ELMO1: variants seen among roughly 807,000 people sequenced by gnomAD.
ELMO1 encodes the protein engulfment and cell motility 1.
In ELMO1, 26 loss-of-function variants were observed where a neutral mutation model predicts 98.9. That is an observed-to-expected ratio of 0.26 (90% CI 0.19 to 0.36). ELMO1 has a LOEUF of 0.36. ELMO1 is among the 10% of genes least tolerant of loss of function. The probability of loss-of-function intolerance (pLI) is 1.00; values close to 1 mark genes in which losing one functional copy is unlikely to be tolerated. For missense variants in ELMO1, 627 were observed against 935.2 expected (o/e 0.67, Z 4.30); for synonymous variants, 346 against 346.0 (o/e 1.00, Z 0.00).
intron 1 of ELMO1, among the ~76,000 whole-genome samples, chr7:37,386,283 G>A (rs1359642088): frequency 6.6e-6 from 1 of 152,068 alleles, no homozygotes. Context: ...GCTGGAGGGA[G>A]GAATCAAGGA....
At chr7:37,183,912 A>C (rs1377382139) in intron 13 of ELMO1, among the ~76,000 whole-genome samples, 3 of 152,190 alleles carry the variant, frequency 2.0e-5, no homozygotes, top group African/African-American at 7.2e-5. Flanking sequence ...ACAACTTCAG[A>C]AATTTTATTT....
chr7:37,369,917 C>T (rs1802048739), intron 1 of ELMO1, among the ~76,000 whole-genome samples: 1 of 152,154 alleles, frequency 6.6e-6, no homozygotes, highest in Non-Finnish European at 1.5e-5. Flanking sequence ...TCCTTCTGAT[C>T]CTCCTTACTA....
chr7:37,239,156 G>A (rs1024077793), intron 7 of ELMO1, among the ~76,000 whole-genome samples: 2 of 151,302 alleles, frequency 1.3e-5, no homozygotes, highest in South Asian at 2.1e-4. Flanking sequence ...GAAGGTTTTC[G>A]AGAAATGATT....
chr7:37,250,318 A>G (rs1795273812), intron 6 of ELMO1, among the ~76,000 whole-genome samples: 1 of 152,220 alleles, frequency 6.6e-6, no homozygotes, highest in Non-Finnish European at 1.5e-5. Flanking sequence ...AGCAGGTTAT[A>G]AAAACATGAG....
intron 1 of ELMO1, among the ~76,000 whole-genome samples, chr7:37,413,138 TGTTTTTTTTA>T (rs1804063420): frequency 1.4e-5 from 2 of 145,288 alleles, no homozygotes; most frequent in Non-Finnish European, 3.1e-5. Context: ...ATTTTTTTTT[TGTTTTTTTTA>T]ATTTTAACTG....
intron 1 of ELMO1, among the ~76,000 whole-genome samples, chr7:37,350,138 C>T (rs762540564): frequency 1.3e-5 from 2 of 152,100 alleles, no homozygotes; most frequent in Non-Finnish European, 2.9e-5. Flanking sequence ...GAAGACAGCC[C>T]GGGGCCTAAG....
rs1803227553 is a variant in ELMO1, at chr7:36,868,471, A to G, written c.1905+1922T>C. Among the ~76,000 whole-genome samples, 3 of 151,120 alleles carry G rather than the reference A, an allele frequency of 2.0e-5. No homozygotes were observed. The South Asian group carries it at 6.3e-4, about 32-fold the overall frequency. On this transcript the variant is annotated intron_variant, in intron 20 of 21. Transcript: ENST00000310758. ...AGTGATTCTCCTGCCTCAGCCTCCC[A>G]AGCAGCTGGGACTACAGGTGCCTGC... is the stretch of plus-strand genomic sequence containing the variant.
At chr7:37,444,484 G>A (rs1175184111) in intron 1 of ELMO1, among the ~76,000 whole-genome samples, 1 of 152,132 alleles carries the variant, frequency 6.6e-6, no homozygotes, top group Non-Finnish European at 1.5e-5. Flanking sequence ...GCAGCATGAG[G>A]GCCTAGCGCA....
intron 1 of ELMO1, among the ~76,000 whole-genome samples, chr7:37,421,070 T>C (rs533979723): frequency 3.9e-5 from 6 of 152,320 alleles, no homozygotes; most frequent in African/African-American, 1.4e-4. Context: ...AAGCACACTC[T>C]GAGCAGTACA....
chr7:37,415,729 A>G (rs2131512447), intron 1 of ELMO1, among the ~76,000 whole-genome samples: 1 of 152,348 alleles, frequency 6.6e-6, no homozygotes, highest in Non-Finnish European at 1.5e-5. Context: ...AAGATATATC[A>G]GGGCTTCAGG....
Position 37,133,172 on chromosome 7 carries a change from G to A in ELMO1, c.1149C>T (p.Asn383=). 1 of 1,613,108 alleles carries A rather than the reference G, an allele frequency of 6.2e-7. No individual in the cohort carries two copies. The highest frequency in any genetic ancestry group is 1.3e-5 in the African/African-American group (1 of 74,960). Reference sequence around the variant, plus strand: ...GGTGGTGCTTGGCAAAGTACAGCATGTTGTCCAGAGCCAACATCCCAGGTG... The same window carrying A: ...GGTGGTGCTTGGCAAAGTACAGCATATTGTCCAGAGCCAACATCCCAGGTG... The part of the protein sequence containing the change: ...QTPPGMLALD[N]MLYFAKHHQD... Residue 383 remains asparagine, a synonymous_variant, in exon 14 of 22, where the codon AAC becomes AAT. Transcript: ENST00000310758.
intron 13 of ELMO1, among the ~76,000 whole-genome samples, chr7:37,171,593 T>G (rs1420827282): frequency 1.4e-5 from 2 of 147,398 alleles, no homozygotes; most frequent in African/African-American, 5.0e-5. Flanking sequence ...CCCAGATTCA[T>G]GCCATTCTCC....
chr7:36,876,315 CTT>C (rs552059930), intron 19 of ELMO1, among the ~76,000 whole-genome samples: 131 of 145,218 alleles, frequency 9.0e-4, no homozygotes, highest in African/African-American at 3.2e-3. Context: ...GTCCTTCTTA[CTT>C]TTTTTTTTCT....
chr7:37,337,323 C>T (rs1325448382), intron 2 of ELMO1, among the ~76,000 whole-genome samples: 2 of 151,344 alleles, frequency 1.3e-5, no homozygotes, highest in East Asian at 3.9e-4. Context: ...GGGAATTGAA[C>T]AATGAGAACA....
rs185476944 is a variant in ELMO1, at chr7:37,085,280, G to C, written c.1300+11339C>G. On this transcript the variant is annotated intron_variant, in intron 15 of 21. Transcript: ENST00000310758. ...AAAACTGACACTGTAGGAAGCCACA[G>C]TGTCTGCAAAAAGTGTTTTAAAGAC... 4.7e-4 allele frequency among the ~76,000 whole-genome samples: 72 copies of C among 152,240 alleles called. 1 individual carries two copies. Among genetic ancestry groups the C allele is most frequent in the African/African-American group, 1.7e-3 (70 of 41,556 alleles).
intron 1 of ELMO1, among the ~76,000 whole-genome samples, chr7:37,394,637 G>C (rs1803216556): frequency 6.6e-6 from 1 of 152,136 alleles, no homozygotes; most frequent in Admixed American, 6.6e-5. Context: ...TTCATCTAGG[G>C]CAGGAACAGT....
At chr7:36,961,435 T>A (rs1365163560) in intron 16 of ELMO1, among the ~76,000 whole-genome samples, 1 of 152,214 alleles carries the variant, frequency 6.6e-6, no homozygotes, top group Non-Finnish European at 1.5e-5. Context: ...ATTAACAATA[T>A]TAGTAGCCAT....
chr7:37,428,516 G>A (rs937384138), intron 1 of ELMO1, among the ~76,000 whole-genome samples: 1 of 152,178 alleles, frequency 6.6e-6, no homozygotes, highest in Non-Finnish European at 1.5e-5. Flanking sequence ...TCAGAATCCA[G>A]AACCTTGGAA....
chr7:37,085,584 G>A (rs1562990792), intron 15 of ELMO1, among the ~76,000 whole-genome samples: 1 of 152,116 alleles, frequency 6.6e-6, no homozygotes, highest in African/African-American at 2.4e-5. Flanking sequence ...GGACTTTGAA[G>A]GGTATGGCCT....
Sources: gnomAD v4.1 joint callset for allele counts (sites outside exome capture counted in the v4.1 genomes callset) on GRCh38, gnomAD v4.1.1 for gene constraint, MANE v1.5 for transcripts, NCBI Gene and HGNC (gene_info 2026-07-23, HGNC 2026-07-21) for gene names.